The following EGFLAM variants were observed in gnomAD, a reference collection of about 807,000 sequenced individuals.
The protein encoded by EGFLAM is pikachurin.
In EGFLAM, 79 loss-of-function variants were observed where a neutral mutation model predicts 113.1. The observed-to-expected ratio is 0.70, with a 90% CI of 0.58 to 0.84. The LOEUF is 0.84. Among genes scored for constraint, EGFLAM ranks in the 40% least tolerant of loss-of-function variants. The pLI, the probability that EGFLAM is intolerant of heterozygous loss-of-function variation, is 0.00. For synonymous variants in EGFLAM, 504 were observed against 487.6 expected (o/e 1.03, Z -0.44); for missense variants, 1,265 against 1,291.6 (o/e 0.98, Z 0.32).
chr5:38,276,938 A>G (rs1164911087), intron 1 of EGFLAM, among the ~76,000 whole-genome samples: 2 of 152,238 alleles, frequency 1.3e-5, no homozygotes, highest in East Asian at 3.8e-4. Flanking sequence ...CCCATCAAAG[A>G]AAAGCACAGA....
intron 15 of EGFLAM, among the ~76,000 whole-genome samples, chr5:38,432,139 C>T (rs1035381158): frequency 3.3e-5 from 5 of 152,070 alleles, no homozygotes; most frequent in Admixed American, 6.5e-5. Flanking sequence ...ATAGAGGGGA[C>T]TTTAGATTTG....
intron 17 of EGFLAM, chr5:38,445,371 G>A: frequency 4.1e-6 from 3 of 728,846 alleles, no homozygotes; most frequent in Non-Finnish European, 5.8e-6. Context: ...GAAGGTGAGG[G>A]AGCCTCAGAA....
chr5:38,423,534 C>T (rs922254512), intron 12 of EGFLAM, among the ~76,000 whole-genome samples: 1 of 152,192 alleles, frequency 6.6e-6, no homozygotes, highest in African/African-American at 2.4e-5. Flanking sequence ...CCCGCTTCTT[C>T]CTGTGGATCC....
intron 10 of EGFLAM, among the ~76,000 whole-genome samples, chr5:38,409,811 G>A (rs561059243): frequency 9.5e-4 from 145 of 152,224 alleles, no homozygotes; most frequent in Non-Finnish European, 1.7e-3. Flanking sequence ...TGCCCTCATC[G>A]TTTCTCCCCC....
chr5:38,336,551 G>A (rs1178268131), intron 1 of EGFLAM, among the ~76,000 whole-genome samples: 2 of 142,106 alleles, frequency 1.4e-5, no homozygotes, highest in South Asian at 2.1e-4. Flanking sequence ...TCCAGCCTGG[G>A]CGACAGAGTG....
At chr5:38,299,956 T>C (rs1477909972) in intron 1 of EGFLAM, among the ~76,000 whole-genome samples, 3 of 152,168 alleles carry the variant, frequency 2.0e-5, no homozygotes, top group African/African-American at 7.2e-5. Context: ...ATAGAACTTA[T>C]ACTCAAGCAG....
intron 16 of EGFLAM, among the ~76,000 whole-genome samples, chr5:38,436,142 G>A (rs1184159589): frequency 6.6e-6 from 1 of 152,000 alleles, no homozygotes; most frequent in East Asian, 1.9e-4. Flanking sequence ...TTCTCTTGGG[G>A]CTGCCCATGA....
At chr5:38,323,240 C>G (rs1012793875) in intron 1 of EGFLAM, among the ~76,000 whole-genome samples, 2 of 152,134 alleles carry the variant, frequency 1.3e-5, no homozygotes, top group African/African-American at 2.4e-5. Flanking sequence ...GATTACAAAA[C>G]TAATTGAATC....
At chr5:38,274,306 C>T (rs1162321780) in intron 1 of EGFLAM, among the ~76,000 whole-genome samples, 3 of 152,066 alleles carry the variant, frequency 2.0e-5, no homozygotes, top group Non-Finnish European at 4.4e-5. Context: ...TAGCAGAAAA[C>T]TTTTCAAACC....
chr5:38,331,315 A>G (rs1317559931), intron 1 of EGFLAM, among the ~76,000 whole-genome samples: 1 of 152,184 alleles, frequency 6.6e-6, no homozygotes, highest in Non-Finnish European at 1.5e-5. Flanking sequence ...CTATGGGTTT[A>G]AACAAATGTA....
chr5:38,352,847 A>G (rs1739667604), intron 5 of EGFLAM, among the ~76,000 whole-genome samples: 1 of 152,196 alleles, frequency 6.6e-6, no homozygotes, highest in Non-Finnish European at 1.5e-5. Context: ...TCTGTATCAC[A>G]TACCTCTTCC....
chr5:38,382,104 T>C (rs2451009), intron 6 of EGFLAM, among the ~76,000 whole-genome samples: 2,622 of 152,274 alleles, frequency 0.017, 78 homozygotes, highest in African/African-American at 0.059. Flanking sequence ...ATAATGCTTA[T>C]TGTTAGTGAA....
intron 6 of EGFLAM, among the ~76,000 whole-genome samples, chr5:38,400,605 AAAGAG>A (rs1741083870): frequency 6.6e-6 from 1 of 152,212 alleles, no homozygotes; most frequent in Non-Finnish European, 1.5e-5. Flanking sequence ...GGCAGTCAGG[AAAGAG>A]AAGTAGTGAG....
chr5:38,302,865 G>A (rs2111832055), intron 1 of EGFLAM, among the ~76,000 whole-genome samples: 1 of 152,130 alleles, frequency 6.6e-6, no homozygotes, highest in East Asian at 1.9e-4. Context: ...TTCCAAACAG[G>A]CCATAAGAGT....
chr5:38,437,863 C>T (rs1413331914), intron 16 of EGFLAM, among the ~76,000 whole-genome samples: 2 of 152,124 alleles, frequency 1.3e-5, no homozygotes, highest in Non-Finnish European at 2.9e-5. Context: ...GTGGCTCACG[C>T]CTGTAATCCC....
intron 12 of EGFLAM, among the ~76,000 whole-genome samples, chr5:38,419,335 A>G (rs1351829808): frequency 6.6e-6 from 1 of 152,082 alleles, no homozygotes; most frequent in Non-Finnish European, 1.5e-5. Context: ...TATCCCTATG[A>G]TACTCTCCTT....
chr5:38,439,784 A>C (rs1475954178), intron 17 of EGFLAM, among the ~76,000 whole-genome samples: 1 of 152,242 alleles, frequency 6.6e-6, no homozygotes, highest in East Asian at 1.9e-4. Context: ...TTAGCTGAAG[A>C]GTGGCTCATT....
chr5:38,362,117 T>G (rs138031109), intron 5 of EGFLAM, among the ~76,000 whole-genome samples: 3 of 152,224 alleles, frequency 2.0e-5, no homozygotes, highest in Non-Finnish European at 4.4e-5. Flanking sequence ...TCTGCACATA[T>G]GCATCCCCCG....
chr5:38,302,490 A>T (rs1330720968), intron 1 of EGFLAM, among the ~76,000 whole-genome samples: 1 of 152,196 alleles, frequency 6.6e-6, no homozygotes, highest in Admixed American at 6.5e-5. Flanking sequence ...CATTATAAGA[A>T]TTCAAAGATA....
Sources: allele counts gnomAD v4.1 joint callset (sites outside exome capture counted in the v4.1 genomes callset), GRCh38; gene constraint gnomAD v4.1.1; transcripts MANE v1.5; gene names NCBI Gene and HGNC (gene_info 2026-07-23, HGNC 2026-07-21).